Variants in LPAR6 observed in about 807,000 individuals in gnomAD.
LPAR6 encodes the protein G-protein coupled purinergic receptor P2Y5.
Under a neutral mutation model 22.0 loss-of-function variants are expected in LPAR6, and 17 were observed. The ratio of observed to expected loss-of-function variants is 0.77; its 90% CI spans 0.53 to 1.16. The LOEUF is 1.16. Ranked by LOEUF, LPAR6 falls within the 50% of genes most tolerant of loss-of-function variation. The pLI, the probability that LPAR6 is intolerant of heterozygous loss-of-function variation, is 0.00. For missense variants in LPAR6, 384 were observed against 406.9 expected (o/e 0.94, Z 0.48); for synonymous variants, 136 against 139.8 (o/e 0.97, Z 0.19).
chr13:48,414,242 G>C (rs755280788), upstream of LPAR6, among the ~76,000 whole-genome samples: 1 of 151,810 alleles, frequency 6.6e-6, no homozygotes, highest in African/African-American at 2.4e-5. Flanking sequence ...AGCTACCCAG[G>C]AGACTGAGGC....
At chr13:48,430,249 A>C (rs552040348), upstream of LPAR6, among the ~76,000 whole-genome samples, 44 of 152,336 alleles carry the variant, frequency 2.9e-4, no homozygotes, top group African/African-American at 1.0e-3. Context: ...TATCCACTTC[A>C]AATCAGTGGA....
upstream of LPAR6, chr13:48,416,685 G>C (rs1948916661): frequency 6.6e-6 from 1 of 152,336 alleles, no homozygotes. Context: ...AGATCCACTG[G>C]CTTGAAACTC....
chr13:48,389,929 A>C (rs1948598757), intron 1 of LPAR6: 1 of 152,280 alleles, frequency 6.6e-6, no homozygotes, highest in Non-Finnish European at 1.5e-5. Context: ...CCAAGGTGAG[A>C]GGATTGCTTG....
At chr13:48,410,759 T>G (rs775866135), downstream of LPAR6, among the ~76,000 whole-genome samples, 5 of 152,138 alleles carry the variant, frequency 3.3e-5, no homozygotes, top group African/African-American at 4.8e-5. Flanking sequence ...ACCATATAGA[T>G]AGCATCTGCT....
upstream of LPAR6, chr13:48,415,811 C>A (rs1300428270): frequency 6.6e-6 from 1 of 152,156 alleles, no homozygotes; most frequent in Non-Finnish European, 1.5e-5. Context: ...AGCAGAGGGA[C>A]TGTTTGAACA....
intron 1 of LPAR6, among the ~76,000 whole-genome samples, chr13:48,401,937 C>G (rs139077994): frequency 3.5e-4 from 54 of 152,148 alleles, no homozygotes; most frequent in African/African-American, 1.3e-3. Flanking sequence ...TAAGTCTGGT[C>G]ATTTTATCAT....
At position 48,411,886 on chromosome 13, in the gene LPAR6, A is replaced by G; in HGVS notation, c.538T>C (p.Tyr180His). The G allele has an allele frequency of 6.2e-7, 1 of 1,612,924 alleles. No individual in the cohort carries two copies. Among genetic ancestry groups the G allele is most frequent in the Non-Finnish European group, 8.5e-7 (1 of 1,179,610 alleles). Residue 180 changes from tyrosine (Y) to histidine (H), a missense_variant, in exon 1 of 1, where the codon TAT becomes CAT. Coordinates refer to ENST00000620633, the MANE Select transcript of LPAR6 (RefSeq NM_001162498.3). The part of the protein sequence containing the change: ...ENFPEATWKT[Y>H]LSRIVIFIEI... ...ATGAAAATTACAATCCTTGAGAGAT[A>G]TGTTTTCCATGTGGCTTCTGGAAAA...
At chr13:48,432,023 A>G (rs571089879) in intron 1 of LPAR6, among the ~76,000 whole-genome samples, 1 of 152,334 alleles carries the variant, frequency 6.6e-6, no homozygotes, top group East Asian at 1.9e-4. Flanking sequence ...ACAATCAATA[A>G]ATAAACAATT....
intron 1 of LPAR6, among the ~76,000 whole-genome samples, chr13:48,440,757 GCTTAA>G (rs1192354778): frequency 1.3e-5 from 2 of 152,072 alleles, no homozygotes; most frequent in Non-Finnish European, 2.9e-5. Context: ...TCTTATACTT[GCTTAA>G]CTTTTCATTT....
intron 1 of LPAR6, among the ~76,000 whole-genome samples, chr13:48,390,410 C>A (rs902930700): frequency 1.3e-5 from 2 of 151,968 alleles, no homozygotes; most frequent in African/African-American, 4.8e-5. Flanking sequence ...GCATGAGGAT[C>A]CTGGCCAAGG....
intron 2 of LPAR6, among the ~76,000 whole-genome samples, chr13:48,419,452 C>T (rs925639631): frequency 6.6e-6 from 1 of 152,092 alleles, no homozygotes; most frequent in African/African-American, 2.4e-5. Context: ...GTAAAATTGA[C>T]ACCCTAACAT....
Position 48,412,837 on chromosome 13 carries a change from G to A in LPAR6, c.-414C>T, listed in dbSNP as rs1003658017. 5 of 205,256 alleles carry A rather than the reference G, an allele frequency of 2.4e-5. No individual in the cohort carries two copies. Among genetic ancestry groups the A allele is most frequent in the African/African-American group, 1.2e-4 (5 of 41,998 alleles). 12.7% of individuals were successfully genotyped at this position (205,256 alleles called of 1,614,324 possible). ...TCAAGATGAATACTCCAAAGTTAAT[G>A]TTTCTTTATGCCTCAGAATGTTAAG... On this transcript the variant is annotated 5_prime_UTR_variant, in exon 1 of 1. Transcript: ENST00000620633.
chr13:48,418,077 C>T (rs911213246), upstream of LPAR6, among the ~76,000 whole-genome samples: 12 of 152,178 alleles, frequency 7.9e-5, no homozygotes, highest in Non-Finnish European at 8.8e-5. Context: ...GACACATAAT[C>T]GTCAGATTCA....
intron 1 of LPAR6, among the ~76,000 whole-genome samples, chr13:48,402,289 A>C (rs1191654035): frequency 2.0e-5 from 3 of 152,000 alleles, no homozygotes; most frequent in African/African-American, 7.2e-5. Context: ...GGGTCTTCTG[A>C]AAATAAACGT....
intron 1 of LPAR6, among the ~76,000 whole-genome samples, chr13:48,404,746 T>C (rs1200612051): frequency 6.6e-6 from 1 of 152,038 alleles, no homozygotes; most frequent in African/African-American, 2.4e-5. Context: ...AGCCTGATCT[T>C]AAACTCCTGA....
intron 1 of LPAR6, among the ~76,000 whole-genome samples, chr13:48,394,680 C>CA (rs1948634504): frequency 6.6e-6 from 1 of 152,206 alleles, no homozygotes; most frequent in Non-Finnish European, 1.5e-5. Flanking sequence ...CCGCTGTAGC[C>CA]AGACTGCCTT....
At chr13:48,421,856 C>T (rs960854530) in intron 2 of LPAR6, among the ~76,000 whole-genome samples, 3 of 151,998 alleles carry the variant, frequency 2.0e-5, no homozygotes, top group African/African-American at 2.4e-5. Context: ...ATTATTAAAA[C>T]GTCAGGAAAC....
intron 1 of LPAR6, among the ~76,000 whole-genome samples, chr13:48,405,653 T>C (rs1948733214): frequency 6.6e-6 from 1 of 152,208 alleles, no homozygotes; most frequent in Non-Finnish European, 1.5e-5. Flanking sequence ...ATATTTACTA[T>C]CTACTCCTTG....
intron 1 of LPAR6, among the ~76,000 whole-genome samples, chr13:48,404,536 G>T (rs1021877286): frequency 2.0e-5 from 3 of 149,886 alleles, no homozygotes; most frequent in Admixed American, 6.7e-5. Flanking sequence ...GATACTTTTT[G>T]TTTTTTTTTA....
Sources: allele counts gnomAD v4.1 joint callset (sites outside exome capture counted in the v4.1 genomes callset), GRCh38; gene constraint gnomAD v4.1.1; transcripts MANE v1.5; gene names NCBI Gene and HGNC (gene_info 2026-07-23, HGNC 2026-07-21).